Variants in ZNF664 observed in about 807,000 individuals in gnomAD.
ZNF664 encodes the protein zinc finger Organ of Corti 1.
ZNF664 carries 10 observed loss-of-function variants against 18.2 expected under a neutral mutation model. The ratio of observed to expected loss-of-function variants is 0.55; its 90% CI spans 0.34 to 0.93. The LOEUF is 0.93. ZNF664 is among the 40% of genes least tolerant of loss of function. The pLI is 0.02. For missense variants in ZNF664, 193 were observed against 319.0 expected (o/e 0.61, Z 3.01); for synonymous variants, 119 against 104.2 (o/e 1.14, Z -0.86).
Position 123,988,114 on chromosome 12 carries a change from T to C in ZNF664, c.-685T>C, listed in dbSNP as rs1956845781. On this transcript the variant is annotated 5_prime_UTR_variant, in exon 3 of 5. Coordinates refer to ENST00000337815, the MANE Select transcript of ZNF664 (RefSeq NM_152437.3). ...CTCTGCCTGTTCTTCTGGAATGTCT[T>C]GGGGGTTTTGATCCTGTCACTGTGG... 1 of 1,231,606 alleles carries C rather than the reference T, an allele frequency of 8.1e-7. No individual in the cohort carries two copies. The highest frequency in any genetic ancestry group is 1.0e-6 in the Non-Finnish European group (1 of 987,862). 76.3% of individuals were successfully genotyped at this position (1,231,606 alleles called of 1,614,324 possible).
chr12:123,996,259 C>A (rs969063933), intron 3 of ZNF664, among the ~76,000 whole-genome samples: 1 of 152,172 alleles, frequency 6.6e-6, no homozygotes, highest in African/African-American at 2.4e-5. Flanking sequence ...GAACAACTTG[C>A]TTGAGGTCAC....
At chr12:123,975,084 A>G (rs1232336120) in intron 2 of ZNF664, among the ~76,000 whole-genome samples, 1 of 152,130 alleles carries the variant, frequency 6.6e-6, no homozygotes, top group African/African-American at 2.4e-5. Context: ...ACATTGAATC[A>G]CACCAAACCT....
At chr12:123,975,320 C>CT (rs1566192090) in intron 2 of ZNF664, among the ~76,000 whole-genome samples, 2 of 151,446 alleles carry the variant, frequency 1.3e-5, no homozygotes, top group Non-Finnish European at 2.9e-5. Context: ...TAATTTGTGA[C>CT]TTTTTAAATT....
chr12:123,985,848 A>G (rs940809194), intron 2 of ZNF664, among the ~76,000 whole-genome samples: 1 of 152,236 alleles, frequency 6.6e-6, no homozygotes, highest in African/African-American at 2.4e-5. Context: ...CAAACATTAA[A>G]TCACCCATGT....
chr12:123,990,384 T>C (rs1956875554), intron 3 of ZNF664, among the ~76,000 whole-genome samples: 1 of 152,082 alleles, frequency 6.6e-6, no homozygotes, highest in African/African-American at 2.4e-5. Context: ...GCCAGCATCA[T>C]TGAGGGCAGT....
rs527359887 is a variant in ZNF664 at position 124,010,095 on chromosome 12, T to C, written c.-660-1286T>C. Reference sequence around the variant, plus strand: ...ATCAGTCATTTCCTATTTTTACCAATGTGTCTTTAGGATATATTCTAGAAT... The same window carrying C: ...ATCAGTCATTTCCTATTTTTACCAACGTGTCTTTAGGATATATTCTAGAAT... On this transcript the variant is annotated intron_variant, in intron 3 of 4. Transcript: ENST00000337815. Among the ~76,000 whole-genome samples, 5 of 152,280 alleles carry C rather than the reference T, an allele frequency of 3.3e-5. No homozygotes were observed. The East Asian group carries it at 9.7e-4, about 29-fold the overall frequency.
intron 2 of ZNF664, among the ~76,000 whole-genome samples, chr12:123,983,413 A>G (rs1371014135): frequency 6.6e-6 from 1 of 152,240 alleles, no homozygotes; most frequent in Non-Finnish European, 1.5e-5. Context: ...CACTTGATAC[A>G]TTATAAGAAA....
chr12:123,974,161 C>A lies in ZNF664; in HGVS notation c.-757+141C>A, dbSNP rs535560028. 9.8e-5 allele frequency: 51 copies of A among 520,934 alleles called. 1 individual carries two copies. Among genetic ancestry groups the A allele is most frequent in the Middle Eastern group, 5.4e-4 (1 of 1,838 alleles). The allele number at this position is 520,934 out of a possible 1,614,324, so 32.3% of individuals were successfully genotyped here. On this transcript the variant is annotated intron_variant, in intron 2 of 4. Coordinates refer to ENST00000337815, the MANE Select transcript of ZNF664 (RefSeq NM_152437.3). ...CGTATACCCCCTCCCAGACATTTTC[C>A]CGTCCGGATCCATCTCTCCGCCACA...
Position 124,012,354 on chromosome 12 carries a change from T to C in ZNF664, c.210T>C (p.Thr70=). The C allele has an allele frequency of 3.1e-6, 5 of 1,614,224 alleles. No homozygotes were observed. The highest frequency in any genetic ancestry group is 4.2e-6 in the Non-Finnish European group (5 of 1,180,038). Residue 70 remains threonine (T), a synonymous_variant, in exon 5 of 5, where the codon ACT becomes ACC. Transcript: ENST00000337815. ...ATGATTGTGGTAAGGATTTTAGCACTACAACAAAACTTAATAGACATAAGA... is the reference window on the plus strand; with the variant it reads ...ATGATTGTGGTAAGGATTTTAGCACCACAACAAAACTTAATAGACATAAGA... ...KCDDCGKDFS[T]TTKLNRHKKI...
rs1044090120 is a variant in ZNF664 at position 123,973,303 on chromosome 12, G to A, written c.-941G>A. 4 of 984,292 alleles carry A rather than the reference G, an allele frequency of 4.1e-6. No individual in the cohort carries two copies. In the Admixed American group the frequency reaches 2.5e-4, roughly 61 times the overall value. 61.0% of individuals were successfully genotyped at this position (984,292 alleles called of 1,614,324 possible). A position where few individuals can be genotyped will look rare whatever the true frequency, so the allele number is the denominator to read the frequency against. On this transcript the variant is annotated 5_prime_UTR_variant, in exon 1 of 5. Coordinates refer to ENST00000337815, the MANE Select transcript of ZNF664 (RefSeq NM_152437.3). The stretch of plus-strand genomic sequence containing the variant: ...TGTGAGGTGTCCCTGAGGAGAGGGA[G>A]GTGGGTGCGCGGCGCCCGCGGCCTG...
chr12:123,979,280 C>T lies in ZNF664; in HGVS notation c.-757+5260C>T, dbSNP rs192201485. Among the ~76,000 whole-genome samples, 4 of 152,250 alleles carry T rather than the reference C, an allele frequency of 2.6e-5. No homozygotes were observed. The East Asian group carries it at 7.7e-4, about 29-fold the overall frequency. On this transcript the variant is annotated intron_variant, in intron 2 of 4. Transcript: ENST00000337815. ...TAATGAATTGAGGATATGAATAGTTCTTAGATAAATGTGTTCAAACAGTGA... is the reference window on the plus strand; with the variant it reads ...TAATGAATTGAGGATATGAATAGTTTTTAGATAAATGTGTTCAAACAGTGA...
At chr12:123,993,713 A>G (rs918255591) in intron 3 of ZNF664, among the ~76,000 whole-genome samples, 5 of 151,966 alleles carry the variant, frequency 3.3e-5, no homozygotes, top group African/African-American at 1.2e-4. Context: ...CCTTTAATTT[A>G]TTTTTTGGGT....
At chr12:123,998,138 G>A (rs1270205705) in intron 3 of ZNF664, among the ~76,000 whole-genome samples, 1 of 152,100 alleles carries the variant, frequency 6.6e-6, no homozygotes, top group Non-Finnish European at 1.5e-5. Flanking sequence ...GATTTCCTGT[G>A]CAACTTTTTC....
intron 2 of ZNF664, among the ~76,000 whole-genome samples, chr12:123,983,154 TAAAAAA>T (rs948221257): frequency 6.6e-6 from 1 of 151,662 alleles, no homozygotes; most frequent in Non-Finnish European, 1.5e-5. Context: ...CTCAAAAAAA[TAAAAAA>T]AGAAAGCAAG....
chr12:124,005,987 G>A (rs569599036), intron 3 of ZNF664: 1 of 152,528 alleles, frequency 6.6e-6, no homozygotes, highest in Admixed American at 6.5e-5. Context: ...CAACACAGAC[G>A]AGGCACTTGG....
At chr12:123,996,415 G>C (rs527519388) in intron 3 of ZNF664, among the ~76,000 whole-genome samples, 16 of 152,166 alleles carry the variant, frequency 1.1e-4, no homozygotes, top group Non-Finnish European at 1.6e-4. Context: ...GGGAGAATGT[G>C]TATGGACACA....
intron 3 of ZNF664, among the ~76,000 whole-genome samples, chr12:123,988,744 T>G (rs1956853725): frequency 6.7e-6 from 1 of 149,444 alleles, no homozygotes; most frequent in Non-Finnish European, 1.5e-5. Context: ...TGTTTTCTCT[T>G]TGGATTTGTT....
chr12:123,973,252 G>A lies in ZNF664; in HGVS notation c.-992G>A, dbSNP rs1438613772. The A allele has an allele frequency of 4.0e-6, 4 of 996,216 alleles. No homozygotes were observed. The highest frequency in any genetic ancestry group is 4.8e-6 in the Non-Finnish European group (4 of 839,592). 61.7% of individuals were successfully genotyped at this position (996,216 alleles called of 1,614,324 possible). A position where few individuals can be genotyped will look rare whatever the true frequency, so the allele number is the denominator to read the frequency against. On this transcript the variant is annotated 5_prime_UTR_variant, in exon 1 of 5. Coordinates refer to ENST00000337815, the MANE Select transcript of ZNF664 (RefSeq NM_152437.3). The stretch of plus-strand genomic sequence containing the variant: ...GGAGGCGTCTGGGTGTGCGGAGCGC[G>A]CGCGCGCGCGGCTCGGAGGCGCACC...
intron 3 of ZNF664, among the ~76,000 whole-genome samples, chr12:123,992,411 G>A (rs1475104281): frequency 2.0e-5 from 3 of 152,106 alleles, no homozygotes; most frequent in Non-Finnish European, 4.4e-5. Context: ...TTTTAAGTTT[G>A]CCCTCATTCT....
Sources: allele counts gnomAD v4.1 joint callset (sites outside exome capture counted in the v4.1 genomes callset), GRCh38; gene constraint gnomAD v4.1.1; transcripts MANE v1.5; gene names NCBI Gene and HGNC (gene_info 2026-07-23, HGNC 2026-07-21).